The following CSMD1 variants were observed in gnomAD, a reference collection of about 807,000 sequenced individuals.
CSMD1 encodes CUB and sushi domain-containing protein 1.
CSMD1 carries 213 observed loss-of-function variants against 417.5 expected under a neutral mutation model. The ratio of observed to expected loss-of-function variants is 0.51; its 90% CI spans 0.46 to 0.57. The LOEUF (loss-of-function observed/expected upper bound fraction) is 0.57, where lower values mean the gene tolerates loss of function less well. CSMD1 is among the 20% of genes least tolerant of loss of function. The probability of loss-of-function intolerance (pLI) is 0.00; values close to 1 mark genes in which losing one functional copy is unlikely to be tolerated. For missense variants in CSMD1, 6,923 were observed against 4,529.7 expected (o/e 1.53, Z -15.17); for synonymous variants, 2,862 against 1,736.8 (o/e 1.65, Z -16.11).
At chr8:3,316,754 C>T (rs1023767332) in intron 23 of CSMD1, among the ~76,000 whole-genome samples, 3 of 152,058 alleles carry the variant, frequency 2.0e-5, no homozygotes, top group Non-Finnish European at 2.9e-5. Context: ...GGAAAGGACT[C>T]GGCTGCAGCA....
intron 1 of CSMD1, among the ~76,000 whole-genome samples, chr8:4,746,658 T>TGCCCAG (rs1225972537): frequency 6.6e-6 from 1 of 152,160 alleles, no homozygotes; most frequent in Non-Finnish European, 1.5e-5. Context: ...CAGCACAAAC[T>TGCCCAG]ATGCAGTTCA....
intron 5 of CSMD1, among the ~76,000 whole-genome samples, chr8:3,924,342 A>G (rs916081243): frequency 6.6e-6 from 1 of 152,186 alleles, no homozygotes; most frequent in Non-Finnish European, 1.5e-5. Context: ...AAAGTGTCTC[A>G]ATGAGAATCA....
intron 49 of CSMD1, among the ~76,000 whole-genome samples, chr8:3,081,165 G>C (rs1814069877): frequency 6.6e-6 from 1 of 152,196 alleles, no homozygotes; most frequent in Non-Finnish European, 1.5e-5. Context: ...AAAAGAGAAT[G>C]AGCTCAACGT....
intron 1 of CSMD1, among the ~76,000 whole-genome samples, chr8:4,856,558 A>G (rs1801812159): frequency 7.1e-6 from 1 of 140,744 alleles, no homozygotes; most frequent in Non-Finnish European, 1.5e-5. Context: ...TCAAAATAAA[A>G]GGATGGAGGA....
chr8:3,987,014 C>A (rs944392904), intron 5 of CSMD1, among the ~76,000 whole-genome samples: 20 of 152,204 alleles, frequency 1.3e-4, no homozygotes, highest in African/African-American at 4.8e-4. Context: ...CTCAGCCTCC[C>A]AAAGTGCTGG....
chr8:3,888,739 C>G (rs1019031266), intron 5 of CSMD1, among the ~76,000 whole-genome samples: 4 of 152,122 alleles, frequency 2.6e-5, no homozygotes, highest in Non-Finnish European at 5.9e-5. Context: ...GTCCCAGTCT[C>G]TGGGACAACA....
intron 7 of CSMD1, among the ~76,000 whole-genome samples, chr8:3,619,154 T>C (rs1258635061): frequency 6.9e-6 from 1 of 145,850 alleles, no homozygotes; most frequent in Admixed American, 6.6e-5. Context: ...GTTAGATTCT[T>C]TGGAATATTA....
intron 10 of CSMD1, among the ~76,000 whole-genome samples, chr8:3,567,719 T>G (rs1189926971): frequency 6.6e-6 from 1 of 152,192 alleles, no homozygotes; most frequent in Non-Finnish European, 1.5e-5. Flanking sequence ...TCTGAATTTC[T>G]GGAACGTCCA....
intron 69 of CSMD1, among the ~76,000 whole-genome samples, chr8:2,942,263 C>A (rs564320253): frequency 1.3e-5 from 2 of 151,834 alleles, no homozygotes; most frequent in African/African-American, 4.8e-5. Flanking sequence ...TGCAGCAGAC[C>A]ACCCCGGCTT....
intron 52 of CSMD1, among the ~76,000 whole-genome samples, chr8:3,010,585 G>A (rs915993482): frequency 1.3e-5 from 2 of 152,040 alleles, no homozygotes; most frequent in African/African-American, 4.8e-5. Context: ...CTTGATTTCT[G>A]GAATGGCTTT....
At chr8:3,575,248 A>C (rs1563167177) in intron 9 of CSMD1, among the ~76,000 whole-genome samples, 182 bp from the exon 10 acceptor site, 1 of 151,524 alleles carries the variant, frequency 6.6e-6, no homozygotes, top group Non-Finnish European at 1.5e-5. Context: ...CTCAGCCGGC[A>C]GGACTTTTGC....
intron 3 of CSMD1, among the ~76,000 whole-genome samples, chr8:4,375,212 G>A (rs1050010938): frequency 1.3e-5 from 2 of 152,070 alleles, no homozygotes; most frequent in African/African-American, 4.8e-5. Flanking sequence ...TTGCCCACGG[G>A]GATAGATAGT....
At chr8:3,259,616 A>C (rs547200056) in intron 26 of CSMD1, among the ~76,000 whole-genome samples, 1 of 152,324 alleles carries the variant, frequency 6.6e-6, no homozygotes, top group African/African-American at 2.4e-5. Flanking sequence ...TTGACATGAC[A>C]AATTCCTCCT....
intron 3 of CSMD1, among the ~76,000 whole-genome samples, chr8:4,158,556 T>A (rs1394597950): frequency 6.6e-6 from 1 of 152,226 alleles, no homozygotes; most frequent in Non-Finnish European, 1.5e-5. Flanking sequence ...GGTTGTGTCC[T>A]AGGTTCACTA....
At chr8:3,028,148 G>A (rs1810082739) in intron 51 of CSMD1, among the ~76,000 whole-genome samples, 1 of 152,190 alleles carries the variant, frequency 6.6e-6, no homozygotes, top group Non-Finnish European at 1.5e-5. Flanking sequence ...AAATTAATAA[G>A]TGTCTGTTTT....
intron 10 of CSMD1, among the ~76,000 whole-genome samples, chr8:3,502,817 G>A (rs796475185): frequency 2.6e-5 from 4 of 152,156 alleles, no homozygotes; most frequent in African/African-American, 2.4e-5. Flanking sequence ...AATCCACAGA[G>A]TAAATAGCAG....
intron 41 of CSMD1, among the ~76,000 whole-genome samples, chr8:3,136,277 G>T (rs1167665120): frequency 2.8e-5 from 4 of 144,344 alleles, no homozygotes; most frequent in Non-Finnish European, 6.0e-5. Flanking sequence ...TGCCCCCCGA[G>T]ATAGAGTTTC....
At chr8:3,829,155 T>C (rs1205411241) in intron 5 of CSMD1, among the ~76,000 whole-genome samples, 2 of 152,122 alleles carry the variant, frequency 1.3e-5, no homozygotes, top group African/African-American at 4.8e-5. Flanking sequence ...TGCACTCTAT[T>C]TGTTGTCTTT....
intron 1 of CSMD1, among the ~76,000 whole-genome samples, chr8:4,870,394 C>T (rs891799484): frequency 3.3e-5 from 5 of 152,174 alleles, no homozygotes; most frequent in Admixed American, 2.0e-4. Context: ...AACCCTTCAA[C>T]AGAGCTAGAC....
Sources: allele counts gnomAD v4.1 joint callset (sites outside exome capture counted in the v4.1 genomes callset), GRCh38; gene constraint gnomAD v4.1.1; transcripts MANE v1.5; gene names NCBI Gene and HGNC (gene_info 2026-07-23, HGNC 2026-07-21).